Variants in PLCE1 observed in about 807,000 individuals in gnomAD.
PLCE1 encodes phospholipase C epsilon 1.
PLCE1 carries 119 observed loss-of-function variants against 242.8 expected under a neutral mutation model. That is an observed-to-expected ratio of 0.49 (90% confidence interval 0.42 to 0.57). The LOEUF (loss-of-function observed/expected upper bound fraction) is 0.57. Ranked by LOEUF, PLCE1 falls within the 20% of genes least tolerant of loss-of-function variation. The pLI is 0.00. For missense variants in PLCE1, 2,441 were observed against 2,788.8 expected (o/e 0.88, Z 2.81); for synonymous variants, 945 against 1,017.4 (o/e 0.93, Z 1.35).
Position 94,031,723 on chromosome 10 carries a change from A to C in PLCE1, c.677A>C (p.Gln226Pro), listed in dbSNP as rs1174053364. The C allele has an allele frequency of 6.2e-7, 1 of 1,613,836 alleles. No homozygotes were observed. The highest frequency in any genetic ancestry group is 1.7e-5 in the Admixed American group (1 of 59,954). Residue 226 changes from glutamine to proline, a missense_variant, in exon 2 of 33, where the codon CAA becomes CCA. This residue lies in a region of PLCE1 where 393 missense variants were observed against 378.5 expected (regional missense o/e 1.04). Transcript: ENST00000371380. ...CVPLPGGEEKQKKNYVAYTCK... is the reference protein window; with the variant it reads ...CVPLPGGEEKPKKNYVAYTCK... ...CCACTACCTGGGGGTGAGGAGAAGC[A>C]AAAGAAAAACTATGTGGCATATACC...
In PLCE1 at chr10:94,313,309, G is replaced by C. The variant is rs1365390945; in HGVS notation, c.6059G>C (p.Gly2020Ala). The C allele has an allele frequency of 6.2e-7, 1 of 1,614,160 alleles. No individual in the cohort carries two copies. Among genetic ancestry groups the C allele is most frequent in the Admixed American group, 1.7e-5 (1 of 60,022 alleles). ...CAGACTCACAGAGTCACGGTGCATG[G>C]GGTCCCAGGGCCAGAGCCCTTTACC... ...CLQTHRVTVH[G>A]VPGPEPFTVF... Residue 2020 changes from glycine to alanine, a missense_variant, in exon 28 of 33, where the codon GGG (glycine) becomes GCG (alanine). Gly to Ala is a moderately conservative substitution (Grantham distance 60, BLOSUM62 0). Around this residue, in one of 5 missense-constraint regions of PLCE1, gnomAD observed 1,004 missense variants for 1,322.7 expected, o/e 0.76. Coordinates refer to ENST00000371380, the MANE Select transcript of PLCE1 (RefSeq NM_016341.4).
chr10:94,251,804 G>C (rs550612662), intron 8 of PLCE1, among the ~76,000 whole-genome samples: 1 of 152,216 alleles, frequency 6.6e-6, no homozygotes, highest in East Asian at 1.9e-4. Flanking sequence ...TATTTTAGGA[G>C]CTCCCTGGGG....
chr10:94,298,689 A>G lies in PLCE1; in HGVS notation c.5458+20A>G, dbSNP rs763810969. 12 of 1,613,400 alleles carry G rather than the reference A, an allele frequency of 7.4e-6. No individual in the cohort carries two copies. The South Asian group carries it at 1.3e-4, about 18-fold the overall frequency. ...CTGATGGTAAGGGGCCTGCATGCTC[A>G]CCTCGCTCCTTTGCATCTTACATTT... On this transcript the variant is annotated intron_variant, in intron 24 of 32. Coordinates refer to ENST00000371380, the MANE Select transcript of PLCE1 (RefSeq NM_016341.4). The surrounding 1 kb of genome is among the most constrained non-coding windows in gnomAD (Gnocchi z 5.2).
chr10:94,092,827 G>C (rs1416416774), intron 2 of PLCE1, among the ~76,000 whole-genome samples: 1 of 152,194 alleles, frequency 6.6e-6, no homozygotes, highest in Non-Finnish European at 1.5e-5. Flanking sequence ...GACTTTTATA[G>C]GAATCAAAGT....
intron 4 of PLCE1, among the ~76,000 whole-genome samples, chr10:94,188,680 A>G (rs2048560285): frequency 6.6e-6 from 1 of 152,212 alleles, no homozygotes; most frequent in Non-Finnish European, 1.5e-5. Flanking sequence ...ATCTTGGCTC[A>G]CTGCGACCTC....
At chr10:94,216,214 C>T (rs1010169657) in intron 4 of PLCE1, among the ~76,000 whole-genome samples, 1 of 152,148 alleles carries the variant, frequency 6.6e-6, no homozygotes, top group Non-Finnish European at 1.5e-5. Context: ...TCACTGATGT[C>T]GGAAAAGGGC....
chr10:94,160,045 T>C (rs1045956324), intron 3 of PLCE1, among the ~76,000 whole-genome samples: 8 of 152,238 alleles, frequency 5.3e-5, no homozygotes, highest in Non-Finnish European at 1.0e-4. Context: ...TGGTTCCAAG[T>C]CTTTCCTATT....
At chr10:94,262,416 C>A in intron 13 of PLCE1, 78 bp from the exon 14 acceptor site, 1 of 938,018 alleles carries the variant, frequency 1.1e-6, no homozygotes, top group East Asian at 2.4e-5. Context: ...TTTAATAACT[C>A]CACACCATTA....
chr10:94,171,643 A>G, intron 4 of PLCE1, 147 bp downstream of exon 4: 3 of 730,628 alleles, frequency 4.1e-6, no homozygotes. Flanking sequence ...CTTTCCAGGC[A>G]AAGAGACAGA....
intron 7 of PLCE1, among the ~76,000 whole-genome samples, chr10:94,243,400 T>G (rs1468448139): frequency 1.3e-5 from 2 of 152,168 alleles, no homozygotes; most frequent in Non-Finnish European, 2.9e-5. Flanking sequence ...GTAAATGTAA[T>G]GGGAGATCCT....
intron 28 of PLCE1, among the ~76,000 whole-genome samples, chr10:94,316,107 T>G (rs1018997250): frequency 2.6e-5 from 4 of 152,162 alleles, no homozygotes; most frequent in African/African-American, 9.7e-5. Context: ...TCCCAGGAAC[T>G]TAGACCACAT....
chr10:94,013,052 C>T (rs1434801102), intron 1 of PLCE1, among the ~76,000 whole-genome samples: 2 of 152,218 alleles, frequency 1.3e-5, no homozygotes, highest in Admixed American at 1.3e-4. Flanking sequence ...AATATACTAG[C>T]GACTCACTCA....
intron 4 of PLCE1, among the ~76,000 whole-genome samples, chr10:94,179,530 T>TTTTTTTTTTTTTTTTTTTGA (rs10636243): frequency 2.7e-4 from 32 of 118,810 alleles, no homozygotes; most frequent in Middle Eastern, 4.5e-3. Context: ...TTTTTTTTTT[T>TTTTTTTTTTTTTTTTTTTGA]GACAGGGTCT....
At chr10:94,132,517 G>C in intron 3 of PLCE1, 58 bp downstream of exon 3, 1 of 1,521,728 alleles carries the variant, frequency 6.6e-7, no homozygotes, top group East Asian at 2.3e-5. Flanking sequence ...AAGGATCTAA[G>C]TTAAGATTTA....
intron 1 of PLCE1, among the ~76,000 whole-genome samples, chr10:94,020,694 G>A (rs532592364): frequency 2.0e-5 from 3 of 151,898 alleles, no homozygotes; most frequent in East Asian, 1.9e-4. Flanking sequence ...CAGAAGTTTT[G>A]TTGATCCATC....
intron 7 of PLCE1, 131 bp from the exon 8 acceptor site, chr10:94,245,815 G>A: frequency 1.3e-6 from 1 of 776,876 alleles, no homozygotes; most frequent in South Asian, 1.5e-5. Flanking sequence ...GTGCTATTTA[G>A]TATTTTGTAT....
chr10:94,088,465 C>T (rs995595137), intron 2 of PLCE1, among the ~76,000 whole-genome samples: 13 of 152,198 alleles, frequency 8.5e-5, no homozygotes, highest in Admixed American at 6.5e-4. Context: ...TCCTGTTTCA[C>T]CCCAACCATG....
chr10:93,995,053 C>A (rs1180715604), intron 1 of PLCE1, among the ~76,000 whole-genome samples: 1 of 152,078 alleles, frequency 6.6e-6, no homozygotes, highest in Non-Finnish European at 1.5e-5. Flanking sequence ...GTTTCTTATA[C>A]CCCCCGTAGA....
At chr10:94,123,381 C>T (rs2046351773) in intron 2 of PLCE1, among the ~76,000 whole-genome samples, 1 of 152,156 alleles carries the variant, frequency 6.6e-6, no homozygotes, top group African/African-American at 2.4e-5. Flanking sequence ...CTGGTTAATT[C>T]GCCTGGTTTT....
Sources: allele counts gnomAD v4.1 joint callset (sites outside exome capture counted in the v4.1 genomes callset), GRCh38; gene constraint gnomAD v4.1.1; regional missense constraint gnomAD v4.1.1; non-coding constraint Gnocchi (gnomAD v3.1); transcripts MANE v1.5; gene names NCBI Gene and HGNC (gene_info 2026-07-23, HGNC 2026-07-21).